PPFIA2: variants seen among roughly 807,000 people sequenced by gnomAD.
PPFIA2 encodes PPFI scaffold protein A2, also known as liprin-alpha-2.
In PPFIA2, 46 loss-of-function variants were observed where a neutral mutation model predicts 175.5. That is an observed-to-expected ratio of 0.26 (90% CI 0.21 to 0.34). The LOEUF is 0.34. Ranked by LOEUF, PPFIA2 falls within the 10% of genes least tolerant of loss-of-function variation. The pLI, the probability that PPFIA2 is intolerant of heterozygous loss-of-function variation, is 1.00. For missense variants in PPFIA2, 1,179 were observed against 1,506.1 expected (o/e 0.78, Z 3.60); for synonymous variants, 568 against 511.4 (o/e 1.11, Z -1.49).
In PPFIA2 at chr12:81,322,628, G is replaced by T. The variant is rs1273990488; in HGVS notation, c.2642+3149C>A. Among the ~76,000 whole-genome samples the T allele has an allele frequency of 2.6e-5, 4 of 152,130 alleles. No homozygotes were observed. In the South Asian group the frequency reaches 8.3e-4, roughly 31 times the overall value. On this transcript the variant is annotated intron_variant, in intron 22 of 32. Transcript: ENST00000549396. ...CTATACTCTACATAAACCTGCTGGAGAAATTTATGGAATTGATGCTTTAAA... is the reference window on the plus strand; with the variant it reads ...CTATACTCTACATAAACCTGCTGGATAAATTTATGGAATTGATGCTTTAAA...
Position 81,440,770 on chromosome 12 carries a change from CTTTG to C in PPFIA2, c.571-728_571-725del, listed in dbSNP as rs953937854. ...TTCTTTGATTCTTGCTTTCTTAGAA[CTTTG>C]TTTTAGTTGTTTTATGTTTAGATCT... On this transcript the variant is annotated intron_variant, in intron 6 of 32. Transcript: ENST00000549396. 1.8e-4 allele frequency among the ~76,000 whole-genome samples: 27 copies of C among 150,132 alleles called. 1 individual carries two copies. The highest frequency in any genetic ancestry group is 6.6e-4 in the African/African-American group (27 of 40,992).
rs5799523 is a variant in PPFIA2, at chr12:81,362,005, G to GTATCTATC, written c.1637+680_1637+687dup. ...TCTATGTATCTATCTATGTATCTAT[G>GTATCTATC]TATCTATCTATCTATCTATCTATCT... On this transcript the variant is annotated intron_variant, in intron 15 of 32. Coordinates refer to ENST00000549396, the MANE Select transcript of PPFIA2 (RefSeq NM_003625.5). 2.1e-3 allele frequency among the ~76,000 whole-genome samples: 314 copies of GTATCTATC among 147,582 alleles called. 2 individuals carry two copies. Among genetic ancestry groups the GTATCTATC allele is most frequent in the East Asian group, 4.4e-3 (22 of 4,992 alleles).
intron 3 of PPFIA2, among the ~76,000 whole-genome samples, chr12:81,693,612 C>A (rs928206170): frequency 4.6e-5 from 7 of 151,994 alleles, no homozygotes; most frequent in African/African-American, 1.7e-4. Flanking sequence ...AAAATTGGTA[C>A]CAGGAGTTTG....
intron 3 of PPFIA2, among the ~76,000 whole-genome samples, chr12:81,707,208 A>G (rs1424196655): frequency 6.6e-6 from 1 of 152,196 alleles, no homozygotes; most frequent in Non-Finnish European, 1.5e-5. Context: ...GCACAGCAAA[A>G]GAAACTACCA....
intron 3 of PPFIA2, among the ~76,000 whole-genome samples, chr12:81,741,019 A>G (rs1040295220): frequency 1.1e-4 from 17 of 152,330 alleles, no homozygotes; most frequent in African/African-American, 4.1e-4. Context: ...TTAGTTTAAG[A>G]AATAAATTCC....
intron 6 of PPFIA2, among the ~76,000 whole-genome samples, chr12:81,444,782 C>T (rs1415476962): frequency 1.3e-5 from 2 of 152,068 alleles, no homozygotes; most frequent in Admixed American, 6.6e-5. Context: ...CAGAACTTGT[C>T]GGATACTTTA....
At chr12:81,466,231 T>TA (rs1242983452) in intron 4 of PPFIA2, among the ~76,000 whole-genome samples, 1 of 152,180 alleles carries the variant, frequency 6.6e-6, no homozygotes, top group Non-Finnish European at 1.5e-5. Flanking sequence ...CTTGAATTTT[T>TA]ATGTATCTAT....
intron 15 of PPFIA2, among the ~76,000 whole-genome samples, chr12:81,361,121 A>AT (rs1240653674): frequency 6.6e-6 from 1 of 151,692 alleles, no homozygotes; most frequent in Non-Finnish European, 1.5e-5. Context: ...TTCATTGTAG[A>AT]TAAATGTCAC....
chr12:81,322,882 T>C (rs2053968659), intron 22 of PPFIA2, among the ~76,000 whole-genome samples: 1 of 152,098 alleles, frequency 6.6e-6, no homozygotes, highest in Admixed American at 6.6e-5. Flanking sequence ...TAGAGAGAAA[T>C]ATAAGCAAAA....
chr12:81,328,713 G>T lies in PPFIA2; in HGVS notation c.2549-2843C>A, dbSNP rs543603584. The stretch of plus-strand genomic sequence containing the variant: ...GTTGAGGGAGGGTGCATTTTTTTGG[G>T]TATTATAATGATTGGCACATATTGG... On this transcript the variant is annotated intron_variant, in intron 21 of 32. Transcript: ENST00000549396. Among the ~76,000 whole-genome samples, 18 of 152,078 alleles carry T rather than the reference G, an allele frequency of 1.2e-4. No homozygotes were observed. In the South Asian group the frequency reaches 3.5e-3, roughly 30 times the overall value.
intron 4 of PPFIA2, among the ~76,000 whole-genome samples, chr12:81,510,636 C>T (rs1168685709): frequency 1.3e-5 from 2 of 152,000 alleles, no homozygotes; most frequent in African/African-American, 4.8e-5. Flanking sequence ...GCAGGCATAG[C>T]AGGAATTTAA....
intron 3 of PPFIA2, among the ~76,000 whole-genome samples, chr12:81,686,952 C>T (rs1382576957): frequency 6.6e-6 from 1 of 151,928 alleles, no homozygotes; most frequent in Non-Finnish European, 1.5e-5. Context: ...TTCTTCCAAC[C>T]AGTTCCCAAA....
In PPFIA2 at chr12:81,275,684, C is replaced by A. The variant is rs562544606; in HGVS notation, c.3310+1633G>T. Among the ~76,000 whole-genome samples, 3 of 152,028 alleles carry A rather than the reference C, an allele frequency of 2.0e-5. No individual in the cohort carries two copies. The South Asian group carries it at 6.2e-4, about 32-fold the overall frequency. On this transcript the variant is annotated intron_variant, in intron 28 of 32. Transcript: ENST00000549396. ...GATGTAATGCTTGCACATATCAACT[C>A]TTGGATAATAGGAAATGTAAATACA...
At chr12:81,511,056 G>C (rs2061730848) in intron 4 of PPFIA2, among the ~76,000 whole-genome samples, 1 of 152,036 alleles carries the variant, frequency 6.6e-6, no homozygotes, top group African/African-American at 2.4e-5. Flanking sequence ...GAAAAGGAAA[G>C]CCATGTTCAA....
chr12:81,564,081 A>G (rs1182352119), intron 4 of PPFIA2, among the ~76,000 whole-genome samples: 1 of 152,228 alleles, frequency 6.6e-6, no homozygotes, highest in Non-Finnish European at 1.5e-5. Context: ...TGTGAATGAC[A>G]TCAAACATCA....
intron 3 of PPFIA2, among the ~76,000 whole-genome samples, chr12:81,686,985 A>G (rs2074511613): frequency 6.6e-6 from 1 of 152,008 alleles, no homozygotes; most frequent in Non-Finnish European, 1.5e-5. Flanking sequence ...GACCACCACC[A>G]GCAGCAGCAG....
intron 4 of PPFIA2, among the ~76,000 whole-genome samples, chr12:81,559,365 C>A (rs1359143665): frequency 6.6e-6 from 1 of 152,130 alleles, no homozygotes; most frequent in Non-Finnish European, 1.5e-5. Flanking sequence ...TATTATAGGA[C>A]AATAAAACAT....
chr12:81,319,994 T>C (rs955620208), intron 22 of PPFIA2, among the ~76,000 whole-genome samples: 1 of 151,894 alleles, frequency 6.6e-6, no homozygotes, highest in Non-Finnish European at 1.5e-5. Flanking sequence ...GATGGGAAAA[T>C]GTACTCAGAG....
At chr12:81,438,236 G>A (rs917535658) in intron 7 of PPFIA2, among the ~76,000 whole-genome samples, 4 of 152,194 alleles carry the variant, frequency 2.6e-5, no homozygotes, top group Non-Finnish European at 5.9e-5. Context: ...TTGGGAGGCC[G>A]AGGCAGGCGA....
Sources: gnomAD v4.1 joint callset for allele counts (sites outside exome capture counted in the v4.1 genomes callset) on GRCh38, gnomAD v4.1.1 for gene constraint, MANE v1.5 for transcripts, NCBI Gene and HGNC (gene_info 2026-07-23, HGNC 2026-07-21) for gene names.